FAM13A: variants seen among roughly 807,000 people sequenced by gnomAD.
FAM13A encodes the protein protein FAM13A.
Under a neutral mutation model 129.6 loss-of-function variants are expected in FAM13A, and 76 were observed. The ratio of observed to expected loss-of-function variants is 0.59; its 90% CI spans 0.49 to 0.71. FAM13A has a LOEUF of 0.71. Among genes scored for constraint, FAM13A ranks in the 30% least tolerant of loss-of-function variants. FAM13A has a pLI of 0.00. For synonymous variants in FAM13A, 443 were observed against 449.9 expected (o/e 0.98, Z 0.20); for missense variants, 1,108 against 1,249.3 (o/e 0.89, Z 1.70).
At chr4:88,986,506 T>C (rs1762262668) in intron 4 of FAM13A, among the ~76,000 whole-genome samples, 1 of 152,256 alleles carries the variant, frequency 6.6e-6, no homozygotes, top group Non-Finnish European at 1.5e-5. Flanking sequence ...AAAGAAGCTC[T>C]GCATTCTAAA....
chr4:88,777,926 T>C (rs1330788657), intron 11 of FAM13A, among the ~76,000 whole-genome samples: 1 of 152,238 alleles, frequency 6.6e-6, no homozygotes, highest in Non-Finnish European at 1.5e-5. Flanking sequence ...TTTGAGTCCC[T>C]TGGTTACTTG....
chr4:88,874,608 GAACTAC>G (rs1256773000), intron 6 of FAM13A, among the ~76,000 whole-genome samples: 2 of 152,120 alleles, frequency 1.3e-5, no homozygotes, highest in African/African-American at 4.8e-5. Context: ...TTTTCAAGGA[GAACTAC>G]AAATCACTGC....
intron 6 of FAM13A, among the ~76,000 whole-genome samples, chr4:88,868,793 A>G (rs1740878337): frequency 1.3e-5 from 2 of 152,106 alleles, no homozygotes; most frequent in African/African-American, 4.8e-5. Context: ...TAATCTCTCT[A>G]TGACGTCAAC....
At chr4:89,003,994 T>C (rs1410027600) in intron 3 of FAM13A, among the ~76,000 whole-genome samples, 1 of 152,180 alleles carries the variant, frequency 6.6e-6, no homozygotes, top group Non-Finnish European at 1.5e-5. Flanking sequence ...CGGTTTTCTT[T>C]TCTTTTTTTG....
At chr4:88,896,626 A>G (rs545761003) in intron 6 of FAM13A, among the ~76,000 whole-genome samples, 1 of 152,208 alleles carries the variant, frequency 6.6e-6, no homozygotes, top group Non-Finnish European at 1.5e-5. Context: ...TAAATGATTC[A>G]TAGTTCCTGA....
intron 4 of FAM13A, among the ~76,000 whole-genome samples, chr4:88,969,827 T>G (rs1759835880): frequency 6.6e-6 from 1 of 152,224 alleles, no homozygotes; most frequent in African/African-American, 2.4e-5. Flanking sequence ...GGCATAGAGA[T>G]AGTGAATGCC....
intron 6 of FAM13A, among the ~76,000 whole-genome samples, chr4:88,852,316 C>T (rs933100129): frequency 6.6e-6 from 1 of 152,116 alleles, no homozygotes; most frequent in African/African-American, 2.4e-5. Flanking sequence ...CATGCACCAA[C>T]AAGTCAGGGT....
At chr4:88,980,107 A>G (rs181365611) in intron 4 of FAM13A, among the ~76,000 whole-genome samples, 7 of 152,376 alleles carry the variant, frequency 4.6e-5, no homozygotes, top group East Asian at 1.9e-4. Context: ...AGCATGAGAC[A>G]TGCCATGATA....
At position 88,726,395 on chromosome 4, in the gene FAM13A, A is replaced by AATC. The variant is rs1274281120; in HGVS notation, c.*2135_*2137dup. On this transcript the variant is annotated 3_prime_UTR_variant, in exon 24 of 24. Transcript: ENST00000264344. ...ACTTACTTGGTGTTTTCTTTTATTGAATCATACAAATTCAAATGGGGATTC... is the reference window on the plus strand; with the variant it reads ...ACTTACTTGGTGTTTTCTTTTATTGAATCATCATACAAATTCAAATGGGGATTC... 6.6e-6 allele frequency: 1 copy of AATC among 152,554 alleles called. No homozygotes were observed. Among genetic ancestry groups the AATC allele is most frequent in the African/African-American group, 2.4e-5 (1 of 41,456 alleles). 9.5% of individuals were successfully genotyped at this position (152,554 alleles called of 1,614,324 possible).
chr4:89,018,737 C>T (rs1038436723), intron 3 of FAM13A, among the ~76,000 whole-genome samples: 8 of 152,176 alleles, frequency 5.3e-5, no homozygotes, highest in African/African-American at 1.7e-4. Context: ...TATAATGCTT[C>T]CTCTAACTTT....
chr4:88,791,119 C>T (rs1266521490), intron 8 of FAM13A, among the ~76,000 whole-genome samples: 1 of 152,200 alleles, frequency 6.6e-6, no homozygotes, highest in Non-Finnish European at 1.5e-5. Context: ...GGATAGAGAA[C>T]AAGGAACCGA....
intron 6 of FAM13A, among the ~76,000 whole-genome samples, chr4:88,880,246 A>G (rs1294878342): frequency 6.6e-6 from 1 of 152,154 alleles, no homozygotes; most frequent in Non-Finnish European, 1.5e-5. Flanking sequence ...GAGACAGCTG[A>G]AAAATTCTGA....
intron 4 of FAM13A, among the ~76,000 whole-genome samples, chr4:88,963,705 C>A (rs890506676): frequency 6.6e-6 from 1 of 152,170 alleles, no homozygotes. Flanking sequence ...TTAAAAACCA[C>A]CACAATTATA....
At chr4:89,056,265 G>C (rs1019781748) in intron 1 of FAM13A, among the ~76,000 whole-genome samples, 1 of 151,930 alleles carries the variant, frequency 6.6e-6, no homozygotes, top group African/African-American at 2.4e-5. Context: ...TATTACAAAA[G>C]GTTTTGTACA....
chr4:88,945,990 G>GTGTGTGTGTGTGTGTATATATATA, intron 4 of FAM13A, among the ~76,000 whole-genome samples: 26 of 61,918 alleles, frequency 4.2e-4, no homozygotes, highest in Non-Finnish European at 5.5e-4. Flanking sequence ...GTGTGTGTGT[G>GTGTGTGTGTGTGTGTATATATATA]TATATATATA....
intron 6 of FAM13A, among the ~76,000 whole-genome samples, chr4:88,860,745 G>A (rs988071493): frequency 1.3e-5 from 2 of 152,164 alleles, no homozygotes; most frequent in Admixed American, 6.5e-5. Context: ...AACAAGGGAA[G>A]CTGATGGAAT....
chr4:88,917,649 A>G (rs936818033), intron 5 of FAM13A, among the ~76,000 whole-genome samples: 4 of 152,128 alleles, frequency 2.6e-5, no homozygotes, highest in African/African-American at 9.7e-5. Context: ...GCTTGCCCTA[A>G]TTACTTATGT....
At chr4:88,780,862 A>C (rs1204951498) in intron 11 of FAM13A, among the ~76,000 whole-genome samples, 9 of 152,110 alleles carry the variant, frequency 5.9e-5, no homozygotes. Flanking sequence ...AAAGAAGAAA[A>C]AATGCTTTAT....
intron 3 of FAM13A, among the ~76,000 whole-genome samples, chr4:89,004,628 G>GA (rs943219877): frequency 4.6e-5 from 7 of 151,978 alleles, no homozygotes; most frequent in African/African-American, 1.7e-4. Flanking sequence ...GTAAATATTC[G>GA]AAAAGAAAGG....
Sources: gnomAD v4.1 joint callset for allele counts (sites outside exome capture counted in the v4.1 genomes callset) on GRCh38, gnomAD v4.1.1 for gene constraint, MANE v1.5 for transcripts, NCBI Gene and HGNC (gene_info 2026-07-23, HGNC 2026-07-21) for gene names.